The following TAFA1 variants were observed in gnomAD, a reference collection of about 807,000 sequenced individuals.
TAFA1 encodes the protein TAFA chemokine like family member 1.
In TAFA1, 4 loss-of-function variants were observed where a neutral mutation model predicts 18.5. That is an observed-to-expected ratio of 0.22 (90% CI 0.11 to 0.49). The LOEUF is 0.49. TAFA1 is among the 20% of genes least tolerant of loss of function. The probability of loss-of-function intolerance (pLI) is 0.98; values close to 1 mark genes in which losing one functional copy is unlikely to be tolerated. For synonymous variants in TAFA1, 56 were observed against 55.2 expected (o/e 1.01, Z -0.06); for missense variants, 147 against 169.0 (o/e 0.87, Z 0.72).
At chr3:68,339,358 C>T (rs1462238423) in intron 2 of TAFA1, among the ~76,000 whole-genome samples, 1 of 152,114 alleles carries the variant, frequency 6.6e-6, no homozygotes, top group African/African-American at 2.4e-5. Flanking sequence ...GATACAGAGA[C>T]TTGTATGATT....
chr3:68,284,525 C>G (rs2067960368), intron 2 of TAFA1, among the ~76,000 whole-genome samples: 1 of 152,148 alleles, frequency 6.6e-6, no homozygotes, highest in Non-Finnish European at 1.5e-5. Context: ...ATGCTTTTAG[C>G]AGCTTTCTTC....
intron 2 of TAFA1, among the ~76,000 whole-genome samples, chr3:68,135,898 G>A (rs2065601483): frequency 6.6e-6 from 1 of 152,084 alleles, no homozygotes; most frequent in Non-Finnish European, 1.5e-5. Context: ...GCATATAAAT[G>A]TATTTCTTTT....
intron 2 of TAFA1, among the ~76,000 whole-genome samples, chr3:68,127,803 AGTGGTGGTGGTG>A (rs962627844): frequency 9.4e-6 from 1 of 106,698 alleles, no homozygotes; most frequent in Admixed American, 9.2e-5. Flanking sequence ...TGCTGATGGC[AGTGGTGGTGGTG>A]GTGGTGATGG....
At chr3:68,149,189 C>A (rs2065777782) in intron 2 of TAFA1, among the ~76,000 whole-genome samples, 1 of 152,098 alleles carries the variant, frequency 6.6e-6, no homozygotes, top group African/African-American at 2.4e-5. Context: ...GTTAAATTTT[C>A]CCTAAGTGCT....
chr3:68,329,001 G>A (rs77551699), intron 2 of TAFA1, among the ~76,000 whole-genome samples: 7,616 of 151,518 alleles, frequency 0.05, 231 homozygotes, highest in African/African-American at 0.086. Context: ...ACCCCATGAT[G>A]TTACTAAGCA....
At chr3:68,390,699 T>C (rs1020987204) in intron 2 of TAFA1, among the ~76,000 whole-genome samples, 5 of 152,182 alleles carry the variant, frequency 3.3e-5, no homozygotes, top group Admixed American at 1.3e-4. Context: ...CTGCTGGTGA[T>C]ACTCAGGCAA....
At chr3:68,210,355 A>AT (rs2066580516) in intron 2 of TAFA1, among the ~76,000 whole-genome samples, 1 of 151,976 alleles carries the variant, frequency 6.6e-6, no homozygotes, top group Non-Finnish European at 1.5e-5. Flanking sequence ...TATTCTCACC[A>AT]TGGTTATCAG....
chr3:68,378,458 A>C (rs2069863973), intron 2 of TAFA1, among the ~76,000 whole-genome samples: 1 of 152,182 alleles, frequency 6.6e-6, no homozygotes, highest in African/African-American at 2.4e-5. Flanking sequence ...TCTAGGAAGT[A>C]ACTAATTTGC....
At chr3:68,067,670 C>T (rs2064697288) in intron 2 of TAFA1, among the ~76,000 whole-genome samples, 1 of 152,164 alleles carries the variant, frequency 6.6e-6, no homozygotes, top group South Asian at 2.1e-4. Flanking sequence ...AATTGCTAAG[C>T]ATTATGACCA....
At chr3:68,463,862 C>G (rs2071832603) in intron 3 of TAFA1, among the ~76,000 whole-genome samples, 1 of 151,980 alleles carries the variant, frequency 6.6e-6, no homozygotes, top group South Asian at 2.1e-4. Context: ...TCCTGAACAG[C>G]CATCTTGAGT....
At chr3:68,160,852 G>A (rs17827312) in intron 2 of TAFA1, among the ~76,000 whole-genome samples, 22,170 of 152,118 alleles carry the variant, frequency 0.15, 1,979 homozygotes, top group Non-Finnish European at 0.2. Context: ...CTGGCTAACC[G>A]CAGAGCCCAT....
chr3:68,407,750 C>G (rs2070638022), intron 2 of TAFA1, among the ~76,000 whole-genome samples: 1 of 152,104 alleles, frequency 6.6e-6, no homozygotes. Flanking sequence ...TGATCCTATC[C>G]ATTATGTTAC....
chr3:68,345,021 A>G (rs2069142148), intron 2 of TAFA1, among the ~76,000 whole-genome samples: 1 of 136,394 alleles, frequency 7.3e-6, no homozygotes, highest in Middle Eastern at 3.7e-3. Context: ...TAACAGAGTG[A>G]GGCCCTATCT....
In TAFA1 at chr3:68,147,516, G is replaced by A. The variant is rs150622908; in HGVS notation, c.118+140772G>A. ...TAGGGCCACTTAATATGTTAAGCTC[G>A]CTTTCCTGAGCCTCTCCTGTCTCCT... On this transcript the variant is annotated intron_variant, in intron 2 of 4. Coordinates refer to ENST00000478136, the MANE Select transcript of TAFA1 (RefSeq NM_213609.4). Among the ~76,000 whole-genome samples, 529 of 151,982 alleles carry A rather than the reference G, an allele frequency of 3.5e-3. 2 individuals carry two copies. Among genetic ancestry groups the A allele is most frequent in the African/African-American group, 0.012 (493 of 41,452 alleles).
chr3:68,024,344 T>C (rs1389276015), intron 2 of TAFA1, among the ~76,000 whole-genome samples: 1 of 152,014 alleles, frequency 6.6e-6, no homozygotes, highest in Non-Finnish European at 1.5e-5. Flanking sequence ...CAGGGGACAT[T>C]GCAATTTTAG....
intron 3 of TAFA1, among the ~76,000 whole-genome samples, chr3:68,469,666 C>T (rs764202239): frequency 6.6e-6 from 1 of 152,158 alleles, no homozygotes; most frequent in Non-Finnish European, 1.5e-5. Context: ...GAGTGAGACT[C>T]TGTCTCAAAA....
chr3:68,144,732 C>T (rs562038390), intron 2 of TAFA1, among the ~76,000 whole-genome samples: 7 of 152,200 alleles, frequency 4.6e-5, no homozygotes, highest in African/African-American at 9.6e-5. Flanking sequence ...TTCAGTAGTC[C>T]GTCTTACAAT....
intron 2 of TAFA1, among the ~76,000 whole-genome samples, chr3:68,170,097 TAAG>T (rs1199959509): frequency 6.6e-6 from 1 of 152,142 alleles, no homozygotes; most frequent in Admixed American, 6.5e-5. Context: ...AGAAAAAACA[TAAG>T]TATCAGTAAG....
At chr3:68,541,457 G>A (rs935598290) in intron 4 of TAFA1, among the ~76,000 whole-genome samples, 2 of 152,020 alleles carry the variant, frequency 1.3e-5, no homozygotes, top group Non-Finnish European at 2.9e-5. Flanking sequence ...TTCTCCATCA[G>A]AGCACAAATA....
Sources: gnomAD v4.1 joint callset for allele counts (sites outside exome capture counted in the v4.1 genomes callset) on GRCh38, gnomAD v4.1.1 for gene constraint, MANE v1.5 for transcripts, NCBI Gene and HGNC (gene_info 2026-07-23, HGNC 2026-07-21) for gene names.